Variants in PCDHA2 observed in about 807,000 individuals in gnomAD.
PCDHA2 encodes the protein protocadherin alpha-2.
PCDHA2 carries 58 observed loss-of-function variants against 66.0 expected under a neutral mutation model. The observed-to-expected ratio is 0.88, with a 90% CI of 0.71 to 1.09. The LOEUF (loss-of-function observed/expected upper bound fraction) is 1.09. Among genes scored for constraint, PCDHA2 ranks in the 50% least tolerant of loss-of-function variants. PCDHA2 has a pLI of 0.00. For missense variants in PCDHA2, 1,267 were observed against 1,242.3 expected, an observed-to-expected ratio of 1.02 and a Z score of -0.30; for synonymous variants, 634 against 554.0, an observed-to-expected ratio of 1.14 and a Z score of -2.03.
At chr5:140,850,233 A>G in intron 1 of PCDHA2, 1 of 1,593,908 alleles carries the variant, frequency 6.3e-7, no homozygotes, top group Non-Finnish European at 8.6e-7. Context: ...AGTGAGCGAG[A>G]TGGTGCTGCG....
chr5:140,940,164 A>G (rs2092564000), intron 1 of PCDHA2, among the ~76,000 whole-genome samples: 1 of 152,170 alleles, frequency 6.6e-6, no homozygotes, highest in Non-Finnish European at 1.5e-5. Context: ...TTTGCCTGAA[A>G]TGTCATTCTT....
At chr5:140,858,843 T>C (rs1373810997) in intron 1 of PCDHA2, 2 of 313,860 alleles carry the variant, frequency 6.4e-6, no homozygotes, top group Non-Finnish European at 1.2e-5. Context: ...AAAATTCCAC[T>C]GATCTATATC....
chr5:140,998,524 T>A (rs553357630), intron 3 of PCDHA2, among the ~76,000 whole-genome samples: 1 of 152,328 alleles, frequency 6.6e-6, no homozygotes, highest in East Asian at 1.9e-4. Flanking sequence ...TTATTCATAT[T>A]TATATCCCTA....
intron 1 of PCDHA2, among the ~76,000 whole-genome samples, chr5:140,945,495 C>A (rs1585197828): frequency 6.6e-6 from 1 of 152,022 alleles, no homozygotes; most frequent in East Asian, 1.9e-4. Context: ...ATACCCAAAG[C>A]AATATTGAGC....
At chr5:140,809,393 A>G (rs1764450776) in intron 1 of PCDHA2, 1 of 1,613,980 alleles carries the variant, frequency 6.2e-7, no homozygotes, top group Non-Finnish European at 8.5e-7. Flanking sequence ...CGCTCCGGGC[A>G]AGCCCACGCT....
At chr5:140,823,082 C>A (rs1171267979) in intron 1 of PCDHA2, 1 of 1,613,782 alleles carries the variant, frequency 6.2e-7, no homozygotes, top group Non-Finnish European at 8.5e-7. Flanking sequence ...TCGCTGTGGG[C>A]CACCGCCAGC....
chr5:140,965,174 CT>C (rs1213439654), intron 1 of PCDHA2, among the ~76,000 whole-genome samples: 1 of 152,110 alleles, frequency 6.6e-6, no homozygotes, highest in East Asian at 1.9e-4. Context: ...TTAGTGAGTG[CT>C]TTTTTTGCAC....
chr5:140,855,039 T>C lies in PCDHA2; in HGVS notation c.2388+57687T>C, dbSNP rs1287918149. ...AAACTTCTTGTATAAAGGATTTTTC[T>C]GTAATAGTACTTTTCTGTTTTCTTA... is the stretch of plus-strand genomic sequence containing the variant. On this transcript the variant is annotated intron_variant, in intron 1 of 3. Transcript: ENST00000526136. Among the ~76,000 whole-genome samples the C allele has an allele frequency of 2.0e-5, 3 of 150,016 alleles. 1 individual carries two copies. The highest frequency in any genetic ancestry group is 7.3e-5 in the African/African-American group (3 of 40,938).
chr5:140,920,955 C>A (rs2079947807), intron 1 of PCDHA2, among the ~76,000 whole-genome samples: 1 of 151,668 alleles, frequency 6.6e-6, no homozygotes, highest in Admixed American at 6.6e-5. Context: ...AAACACTACA[C>A]ATGTAGTACT....
At chr5:140,993,407 C>T (rs2097554546) in intron 3 of PCDHA2, among the ~76,000 whole-genome samples, 1 of 151,550 alleles carries the variant, frequency 6.6e-6, no homozygotes, top group African/African-American at 2.4e-5. Context: ...TAACCACCTT[C>T]ATCAGCATTT....
intron 3 of PCDHA2, 102 bp downstream of exon 3, chr5:140,982,665 A>G (rs1318068299): frequency 2.0e-6 from 3 of 1,465,204 alleles, no homozygotes; most frequent in Middle Eastern, 2.1e-4. Context: ...TTTCTTTTAT[A>G]TTTTTGTTAT....
intron 1 of PCDHA2, chr5:140,884,825 T>C (rs543714024): frequency 1.0e-6 from 1 of 967,424 alleles, no homozygotes; most frequent in Non-Finnish European, 1.5e-6. Flanking sequence ...CATTATGTGT[T>C]GGATTATCCT....
intron 1 of PCDHA2, among the ~76,000 whole-genome samples, chr5:140,943,364 C>T (rs1463652865): frequency 6.6e-6 from 1 of 150,620 alleles, no homozygotes; most frequent in Non-Finnish European, 1.5e-5. Context: ...GAAAGGAGAT[C>T]ATTAAAATAT....
At chr5:140,801,633 C>G (rs368118741) in intron 1 of PCDHA2, 10 of 1,614,106 alleles carry the variant, frequency 6.2e-6, no homozygotes, top group Non-Finnish European at 8.5e-6. Context: ...TTCCGAATCC[C>G]GACAGCCTGG....
rs576672695 is a variant in PCDHA2, at chr5:140,976,134, A to G, written c.2389-2815A>G. On this transcript the variant is annotated intron_variant, in intron 1 of 3. Transcript: ENST00000526136. ...TTTTCCAAGTTTAATCAAGTTCTGG[A>G]TGAAACTCATGTACATTTTACTACT... Among the ~76,000 whole-genome samples the G allele has an allele frequency of 2.0e-5, 3 of 152,348 alleles. No homozygotes were observed. In the East Asian group the frequency reaches 5.8e-4, roughly 29 times the overall value.
intron 1 of PCDHA2, chr5:140,969,476 A>G: frequency 6.8e-7 from 1 of 1,473,576 alleles, no homozygotes; most frequent in Non-Finnish European, 9.0e-7. Context: ...CAATTTGATC[A>G]TAATCTGCTA....
chr5:140,869,082 T>C (rs1554162459), intron 1 of PCDHA2: 1 of 1,582,446 alleles, frequency 6.3e-7, no homozygotes, highest in East Asian at 2.2e-5. Flanking sequence ...GAAGCTTATT[T>C]TGGAAGCCAA....
At chr5:140,842,946 T>C (rs2150348496) in intron 1 of PCDHA2, 1 of 1,594,616 alleles carries the variant, frequency 6.3e-7, no homozygotes, top group Non-Finnish European at 8.6e-7. Flanking sequence ...GACGCGGGCG[T>C]GCCGCCTCTG....
At chr5:140,914,761 G>A (rs2076826214) in intron 1 of PCDHA2, among the ~76,000 whole-genome samples, 1 of 151,734 alleles carries the variant, frequency 6.6e-6, no homozygotes, top group Non-Finnish European at 1.5e-5. Context: ...GAGGTTACAT[G>A]AGGTTTATGA....
Sources: allele counts gnomAD v4.1 joint callset (sites outside exome capture counted in the v4.1 genomes callset), GRCh38; gene constraint gnomAD v4.1.1; transcripts MANE v1.5; gene names NCBI Gene and HGNC (gene_info 2026-07-23, HGNC 2026-07-21).